Variants in PDE10A observed in about 807,000 individuals in gnomAD.
The protein encoded by PDE10A is cAMP and cAMP-inhibited cGMP 3',5'-cyclic phosphodiesterase 10A.
PDE10A carries 39 observed loss-of-function variants against 97.7 expected under a neutral mutation model. That is an observed-to-expected ratio of 0.40 (90% CI 0.31 to 0.52). The LOEUF (loss-of-function observed/expected upper bound fraction) is 0.52, where lower values mean the gene tolerates loss of function less well. PDE10A is among the 20% of genes least tolerant of loss of function. The probability of loss-of-function intolerance (pLI) is 0.56; values close to 1 mark genes in which losing one functional copy is unlikely to be tolerated. For missense variants in PDE10A, 731 were observed against 1,047.8 expected (o/e 0.70, Z 4.17); for synonymous variants, 371 against 376.8 (o/e 0.98, Z 0.18).
chr6:165,513,229 A>G (rs1226172023), intron 2 of PDE10A, among the ~76,000 whole-genome samples: 1 of 152,068 alleles, frequency 6.6e-6, no homozygotes, highest in Non-Finnish European at 1.5e-5. Flanking sequence ...ATATGACAGA[A>G]AAGTATACAG....
At chr6:165,854,645 G>T (rs909924688) in intron 1 of PDE10A, among the ~76,000 whole-genome samples, 5 of 152,212 alleles carry the variant, frequency 3.3e-5, no homozygotes, top group Admixed American at 6.5e-5. Context: ...GGTGGCGAAG[G>T]TGCAGGAGCG....
rs1317447459 is a variant in PDE10A at position 165,678,778 on chromosome 6, T to C, written c.-614-135210A>G. On this transcript the variant is annotated intron_variant, in intron 1 of 19. Coordinates refer to the PDE10A transcript ENST00000366882. ...GCTCTTACCAAAAAAGAAAAAAATA[T>C]CTTTTTGAATGATAAATGAGCATGC... 2.6e-5 allele frequency among the ~76,000 whole-genome samples: 4 copies of C among 152,302 alleles called. No individual in the cohort carries two copies. The East Asian group carries it at 7.7e-4, about 29-fold the overall frequency.
At chr6:165,645,304 C>A (rs1789339160) in intron 1 of PDE10A, among the ~76,000 whole-genome samples, 1 of 152,126 alleles carries the variant, frequency 6.6e-6, no homozygotes, top group African/African-American at 2.4e-5. Context: ...CCTTCTTGCC[C>A]CTGACCCCTT....
intron 1 of PDE10A, among the ~76,000 whole-genome samples, chr6:165,779,589 T>C (rs188455964): frequency 3.9e-5 from 6 of 152,368 alleles, no homozygotes; most frequent in African/African-American, 1.2e-4. Context: ...TTACTTGCTT[T>C]TAAAATATTG....
At chr6:165,807,494 G>C (rs966215685) in intron 1 of PDE10A, among the ~76,000 whole-genome samples, 2 of 152,198 alleles carry the variant, frequency 1.3e-5, no homozygotes, top group African/African-American at 4.8e-5. Context: ...AGTGAGGACA[G>C]CAGGTTCGTC....
At chr6:165,920,271 T>C (rs1253401109) in intron 1 of PDE10A, among the ~76,000 whole-genome samples, 3 of 152,196 alleles carry the variant, frequency 2.0e-5, no homozygotes, top group Non-Finnish European at 4.4e-5. Context: ...ATGTAGTAAA[T>C]GTATGCCATG....
intron 1 of PDE10A, among the ~76,000 whole-genome samples, chr6:165,652,075 A>G (rs542647008): frequency 6.6e-6 from 1 of 152,226 alleles, no homozygotes; most frequent in Non-Finnish European, 1.5e-5. Context: ...ATCTGCCTTT[A>G]AAAATTAGAT....
chr6:165,491,916 A>C (rs1331393984), intron 2 of PDE10A, among the ~76,000 whole-genome samples: 1 of 152,176 alleles, frequency 6.6e-6, no homozygotes, highest in African/African-American at 2.4e-5. Context: ...TAAATGAAAC[A>C]AAAAGGTGGT....
At chr6:165,625,533 T>A (rs1376019420) in intron 1 of PDE10A, among the ~76,000 whole-genome samples, 6 of 152,224 alleles carry the variant, frequency 3.9e-5, no homozygotes, top group African/African-American at 1.4e-4. Flanking sequence ...ATGGTTTGGC[T>A]GTGTCCCCAC....
chr6:165,339,418 A>G (rs1781844522), intron 19 of PDE10A, 60 bp from the exon 20 acceptor site: 5 of 981,194 alleles, frequency 5.1e-6, no homozygotes, highest in Non-Finnish European at 8.2e-6. Flanking sequence ...TACTATTTTG[A>G]TATTATTGAA....
In PDE10A at chr6:165,424,389, AAT is replaced by A. The variant is rs139710451; in HGVS notation, c.1653+4267_1653+4268del. ...AACTCCAGTTACTATGTATTATAGG[AAT>A]ATAACAGATTCCCAAGAAACATTAT... On this transcript the variant is annotated intron_variant, in intron 10 of 21. Coordinates refer to ENST00000539869, the MANE Select transcript of PDE10A (RefSeq NM_001385079.1). Among the ~76,000 whole-genome samples, 805 of 152,328 alleles carry A rather than the reference AAT, an allele frequency of 5.3e-3. 11 individuals carry two copies. Among genetic ancestry groups the A allele is most frequent in the African/African-American group, 0.018 (763 of 41,572 alleles).
intron 2 of PDE10A, among the ~76,000 whole-genome samples, chr6:165,505,680 G>T (rs1394903339): frequency 1.3e-5 from 2 of 152,092 alleles, no homozygotes; most frequent in Non-Finnish European, 2.9e-5. Flanking sequence ...GCTAAAAACT[G>T]CACAAAACTA....
upstream of PDE10A, among the ~76,000 whole-genome samples, chr6:165,665,850 G>A (rs1418412248): frequency 6.6e-6 from 1 of 152,154 alleles, no homozygotes; most frequent in Non-Finnish European, 1.5e-5. Flanking sequence ...CTTTAAATTA[G>A]TGGACCTATA....
chr6:165,815,677 T>A (rs1053850206), intron 1 of PDE10A, among the ~76,000 whole-genome samples: 8 of 152,148 alleles, frequency 5.3e-5, no homozygotes, highest in South Asian at 2.1e-4. Flanking sequence ...TTTTCTGGTT[T>A]TTCCCCCCAT....
chr6:165,612,822 TTGAG>T (rs1200050502), intron 1 of PDE10A, among the ~76,000 whole-genome samples: 4 of 152,232 alleles, frequency 2.6e-5, no homozygotes, highest in East Asian at 1.9e-4. Flanking sequence ...CATATCTTTC[TTGAG>T]TAACTATAAA....
chr6:165,574,258 T>TA (rs67675157), intron 1 of PDE10A, among the ~76,000 whole-genome samples: 7,796 of 142,746 alleles, frequency 0.055, 503 homozygotes, highest in East Asian at 0.33. Context: ...TTACATTCTT[T>TA]AAAAAAAAAA....
chr6:165,438,859 G>A (rs1790233310), intron 5 of PDE10A, among the ~76,000 whole-genome samples: 1 of 151,614 alleles, frequency 6.6e-6, no homozygotes, highest in Non-Finnish European at 1.5e-5. Context: ...TCAGGAGGCC[G>A]AGGTGGGAGG....
intron 1 of PDE10A, among the ~76,000 whole-genome samples, chr6:165,753,147 C>G (rs1387858923): frequency 6.6e-6 from 1 of 152,172 alleles, no homozygotes; most frequent in Non-Finnish European, 1.5e-5. Flanking sequence ...AATTTATTAT[C>G]AATCAAATAT....
At chr6:165,715,089 GCCGC>G (rs768763720) in intron 1 of PDE10A, among the ~76,000 whole-genome samples, 2 of 152,234 alleles carry the variant, frequency 1.3e-5, no homozygotes, top group African/African-American at 2.4e-5. Context: ...TGCAGGGACG[GCCGC>G]CCGAGAACCC....
Sources: gnomAD v4.1 joint callset for allele counts (sites outside exome capture counted in the v4.1 genomes callset) on GRCh38, gnomAD v4.1.1 for gene constraint, MANE v1.5 for transcripts, NCBI Gene and HGNC (gene_info 2026-07-23, HGNC 2026-07-21) for gene names.